DOCK10: variants seen among roughly 807,000 people sequenced by gnomAD.
The protein encoded by DOCK10 is dedicator of cytokinesis protein 10.
DOCK10 carries 145 observed loss-of-function variants against 280.1 expected under a neutral mutation model. The ratio of observed to expected loss-of-function variants is 0.52; its 90% CI spans 0.45 to 0.59. The LOEUF is 0.59. DOCK10 is among the 20% of genes least tolerant of loss of function. The pLI, the probability that DOCK10 is intolerant of heterozygous loss-of-function variation, is 0.00. For synonymous variants in DOCK10, 915 were observed against 942.2 expected, an observed-to-expected ratio of 0.97 and a Z score of 0.53; for missense variants, 2,368 against 2,651.7, an observed-to-expected ratio of 0.89 and a Z score of 2.35.
chr2:224,876,425 T>A (rs1457568394), intron 7 of DOCK10, among the ~76,000 whole-genome samples: 5 of 152,152 alleles, frequency 3.3e-5, no homozygotes, highest in African/African-American at 4.8e-5. Context: ...CTAAGAAATA[T>A]CTTATTTAGG....
In DOCK10 at chr2:224,811,198, C is replaced by T. The variant is rs548916931; in HGVS notation, c.3410-3112G>A. Among the ~76,000 whole-genome samples, 16 of 152,278 alleles carry T rather than the reference C, an allele frequency of 1.1e-4. No individual in the cohort carries two copies. The South Asian group carries it at 3.3e-3, about 32-fold the overall frequency. On this transcript the variant is annotated intron_variant, in intron 31 of 55. Coordinates refer to ENST00000258390, the MANE Select transcript of DOCK10 (RefSeq NM_014689.3). ...CATTCTAGCTGGTGTGAGATGATAT[C>T]TCATTGTGGTTTTGATCTGCATTTC...
Position 224,804,812 on chromosome 2 carries a change from C to T in DOCK10, c.4148G>A (p.Gly1383Glu). Residue 1383 changes from glycine (G) to glutamate (E), a missense_variant, in exon 38 of 56, where the codon GGA becomes GAA. Gly to Glu is a moderately conservative substitution (Grantham distance 98). Coordinates refer to ENST00000258390, the MANE Select transcript of DOCK10 (RefSeq NM_014689.3). ...TTAGTACCTTATTATGTTGCGTTTTCCTAGGTATCTGAAATTTTGAAGACA... is the reference window on the plus strand; with the variant it reads ...TTAGTACCTTATTATGTTGCGTTTTTCTAGGTATCTGAAATTTTGAAGACA... ...DVCLQNFRYL[G>E]KRNIIRKIAA... The T allele has an allele frequency of 6.6e-7, 1 of 1,508,304 alleles. No homozygotes were observed. The highest frequency in any genetic ancestry group is 8.9e-7 in the Non-Finnish European group (1 of 1,129,422). The allele number at this position is 1,508,304 out of a possible 1,614,324, so 93.4% of individuals were successfully genotyped here. A position where few individuals can be genotyped will look rare whatever the true frequency, so the allele number is the denominator to read the frequency against.
At chr2:224,789,310 T>C (rs1691975473) in intron 47 of DOCK10, 140 bp from the exon 48 acceptor site, 8 of 564,660 alleles carry the variant, frequency 1.4e-5, no homozygotes, top group Admixed American at 3.1e-5. Flanking sequence ...ATTATGACTA[T>C]TGATAAATGC....
At chr2:224,790,269 C>T (rs771622367) in intron 47 of DOCK10, among the ~76,000 whole-genome samples, 124 of 152,236 alleles carry the variant, frequency 8.1e-4, no homozygotes, top group Non-Finnish European at 1.3e-3. Context: ...GAGCACTAGC[C>T]GGAGTGACAG....
chr2:224,948,414 ATTTGATATTTAGAAATTCCACCATATGT>A (rs1703546990), intron 1 of DOCK10, among the ~76,000 whole-genome samples: 1 of 152,236 alleles, frequency 6.6e-6, no homozygotes, highest in African/African-American at 2.4e-5. Flanking sequence ...ATCCCTGGTC[ATTTGATATTTAGAAATTCCACCATATGT>A]CTTTAGTGCT....
intron 1 of DOCK10, among the ~76,000 whole-genome samples, chr2:224,941,939 C>G (rs1044961334): frequency 1.3e-5 from 2 of 151,956 alleles, no homozygotes; most frequent in African/African-American, 4.8e-5. Flanking sequence ...ATGTCAACAT[C>G]CACAATGACA....
At chr2:224,914,697 A>T (rs34532562) in intron 3 of DOCK10, among the ~76,000 whole-genome samples, 44,900 of 152,030 alleles carry the variant, frequency 0.3, 7,214 homozygotes, top group Middle Eastern at 0.36. Context: ...AAGAATACTA[A>T]GGTCTCCCCC....
intron 53 of DOCK10, among the ~76,000 whole-genome samples, chr2:224,772,411 C>T (rs575740662): frequency 5.9e-5 from 9 of 152,326 alleles, no homozygotes; most frequent in Admixed American, 2.0e-4. Flanking sequence ...GAGTGCCTTA[C>T]TCACCTCACC....
chr2:224,876,159 C>T lies in DOCK10; in HGVS notation c.810G>A (p.Leu270=). The part of the protein sequence containing the change: ...LKMNDLTYFV[L]AAETESDMDE... The stretch of plus-strand genomic sequence containing the variant: ...CCATATCTGACTCTGTTTCAGCTGC[C>T]AGCACAAAATAGGTCAGATCATTCA... The change falls in exon 8 of 56, where the codon CTG becomes CTA. Residue 270 remains leucine (L), a synonymous_variant. Transcript: ENST00000258390. 6.2e-7 allele frequency: 1 copy of T among 1,613,834 alleles called. No homozygotes were observed. The highest frequency in any genetic ancestry group is 8.5e-7 in the Non-Finnish European group (1 of 1,179,814).
intron 1 of DOCK10, among the ~76,000 whole-genome samples, chr2:224,951,348 T>C (rs1261306388): frequency 6.6e-6 from 1 of 152,190 alleles, no homozygotes; most frequent in Non-Finnish European, 1.5e-5. Context: ...TAAGTATGTA[T>C]TTATGTATAT....
intron 4 of DOCK10, among the ~76,000 whole-genome samples, chr2:224,888,468 A>T (rs893752107): frequency 1.3e-5 from 2 of 151,450 alleles, no homozygotes; most frequent in African/African-American, 2.4e-5. Context: ...ATGTATGTAT[A>T]TATGTGTGTG....
intron 1 of DOCK10, among the ~76,000 whole-genome samples, chr2:224,978,287 A>G (rs1705550728): frequency 6.6e-6 from 1 of 152,048 alleles, no homozygotes; most frequent in African/African-American, 2.4e-5. Context: ...ACAAAAAATT[A>G]GCAGATGTGG....
intron 4 of DOCK10, among the ~76,000 whole-genome samples, chr2:224,892,963 A>C (rs902824244): frequency 6.6e-6 from 1 of 152,200 alleles, no homozygotes; most frequent in African/African-American, 2.4e-5. Flanking sequence ...TGACTTTAAA[A>C]TTCTTCCCCC....
Position 224,784,700 on chromosome 2 carries a change from G to C in DOCK10, c.5655+2322C>G. 3.1e-6 allele frequency: 4 copies of C among 1,289,142 alleles called. No individual in the cohort carries two copies. In the South Asian group the frequency reaches 4.9e-5, roughly 16 times the overall value. 79.9% of individuals were successfully genotyped at this position (1,289,142 alleles called of 1,614,324 possible). ...AGAGGGAAGTGTGAGGGGTGTTAGA[G>C]CATGCAAATGGAGAGCGAGAGTGAG... is the stretch of plus-strand genomic sequence containing the variant. On this transcript the variant is annotated intron_variant, in intron 50 of 55. Coordinates refer to ENST00000258390, the MANE Select transcript of DOCK10 (RefSeq NM_014689.3).
intron 47 of DOCK10, among the ~76,000 whole-genome samples, chr2:224,789,634 G>A (rs1440995811): frequency 6.6e-6 from 1 of 152,122 alleles, no homozygotes; most frequent in Non-Finnish European, 1.5e-5. Flanking sequence ...CAGCTACTTA[G>A]GAGGCTGAGA....
chr2:224,824,978 A>ATT (rs10563888), intron 27 of DOCK10, among the ~76,000 whole-genome samples: 28 of 126,930 alleles, frequency 2.2e-4, no homozygotes, highest in South Asian at 7.7e-4. Context: ...GCTGGCTTCT[A>ATT]TTTTTTTTTT....
intron 1 of DOCK10, among the ~76,000 whole-genome samples, chr2:224,948,366 T>C (rs1340921978): frequency 6.6e-6 from 1 of 152,230 alleles, no homozygotes; most frequent in African/African-American, 2.4e-5. Flanking sequence ...TTGGCTTAGT[T>C]AGGCAAACTA....
At chr2:224,931,692 T>C (rs751340107) in intron 1 of DOCK10, 24 bp from the exon 2 acceptor site, 1 of 1,565,546 alleles carries the variant, frequency 6.4e-7, no homozygotes, top group South Asian at 1.2e-5. Context: ...AAATATGGTA[T>C]TAATCACTGA....
At chr2:224,814,295 G>A in intron 31 of DOCK10, 25 bp downstream of exon 31, 2 of 1,460,360 alleles carry the variant, frequency 1.4e-6, no homozygotes, top group Non-Finnish European at 1.8e-6. Context: ...GGTTACTGAT[G>A]CTTAGGTAAG....
Sources: gnomAD v4.1 joint callset for allele counts (sites outside exome capture counted in the v4.1 genomes callset) on GRCh38, gnomAD v4.1.1 for gene constraint, MANE v1.5 for transcripts, NCBI Gene and HGNC (gene_info 2026-07-23, HGNC 2026-07-21) for gene names.